The following LETM2 variants were observed in gnomAD, a reference collection of about 807,000 sequenced individuals.
LETM2 encodes LETM1 domain-containing protein LETM2, mitochondrial.
A neutral mutation model predicts 59.6 loss-of-function variants in LETM2; 58 were observed. That is an observed-to-expected ratio of 0.97 (90% CI 0.79 to 1.21). The LOEUF (loss-of-function observed/expected upper bound fraction) is 1.21, where lower values mean the gene tolerates loss of function less well. Ranked by LOEUF, LETM2 falls within the 50% of genes most tolerant of loss-of-function variation. The pLI, the probability that LETM2 is intolerant of heterozygous loss-of-function variation, is 0.00. For synonymous variants in LETM2, 199 were observed against 214.1 expected, an observed-to-expected ratio of 0.93 and a Z score of 0.62; for missense variants, 572 against 575.7, an observed-to-expected ratio of 0.99 and a Z score of 0.07.
At chr8:38,400,168 T>G (rs1467275487) in intron 4 of LETM2, 104 bp from the exon 5 acceptor site, 2 of 851,786 alleles carry the variant, frequency 2.3e-6, no homozygotes, top group Non-Finnish European at 3.6e-6. Flanking sequence ...TATTACATGA[T>G]GTAGGGATGA....
In LETM2 at chr8:38,400,409, G is replaced by A. The variant is rs774170105; in HGVS notation, c.783G>A (p.Gln261=). The change falls in exon 5 of 11, where the codon CAG becomes CAA. Residue 261 remains glutamine, a splice_region_variant and synonymous_variant. Coordinates refer to ENST00000379957, the MANE Select transcript of LETM2 (RefSeq NM_001286819.2). Reference sequence around the variant, plus strand: ...CACAGCTCTCATCCTACGTGAAGCAGGTGTCCATCTTTTATGTAATGCCGA... The same window carrying A: ...CACAGCTCTCATCCTACGTGAAGCAAGTGTCCATCTTTTATGTAATGCCGA... The part of the protein sequence containing the change: ...ASTQLSSYVK[Q]VQTGHKPSTK... The A allele has an allele frequency of 6.4e-7, 1 of 1,567,354 alleles. No individual in the cohort carries two copies. Among genetic ancestry groups the A allele is most frequent in the Non-Finnish European group, 8.6e-7 (1 of 1,159,888 alleles).
At chr8:38,401,136 TTTTTTGTTTTTG>T in intron 6 of LETM2, 83 bp downstream of exon 6, 1 of 1,184,456 alleles carries the variant, frequency 8.4e-7, no homozygotes, top group South Asian at 1.3e-5. Context: ...GTGTGCAGTA[TTTTTTGTTTTTG>T]TTTTTGTTTT....
chr8:38,407,800 G>A (rs1429497336), intron 10 of LETM2, among the ~76,000 whole-genome samples: 1 of 152,220 alleles, frequency 6.6e-6, no homozygotes, highest in African/African-American at 2.4e-5. Context: ...TAGCTGGAAA[G>A]CAACTTTAAT....
intron 8 of LETM2, chr8:38,406,653 G>C (rs1813745564): frequency 3.4e-6 from 1 of 289,960 alleles, no homozygotes; most frequent in Non-Finnish European, 6.4e-6. Context: ...GGCTTTTGAG[G>C]CCAACAGCAG....
At chr8:38,400,460 G>GA (rs1554537097) in intron 5 of LETM2, 51 bp downstream of exon 5, 1 of 1,506,880 alleles carries the variant, frequency 6.6e-7, no homozygotes, top group South Asian at 1.4e-5. Context: ...GGCGTTCTAT[G>GA]AAAAACGCAT....
At chr8:38,387,869 G>T in intron 1 of LETM2, 81 bp from the exon 2 acceptor site, 1 of 656,436 alleles carries the variant, frequency 1.5e-6, no homozygotes, top group Middle Eastern at 2.4e-4. Context: ...CTTTGCAATA[G>T]TTAAAAACAC....
chr8:38,402,470 GT>G, intron 6 of LETM2, 54 bp from the exon 7 acceptor site: 1 of 1,596,928 alleles, frequency 6.3e-7, no homozygotes, highest in Non-Finnish European at 8.6e-7. Flanking sequence ...GGAATTTAGG[GT>G]TTACGTAAAA....
At chr8:38,408,042 C>CA (rs1813873284) in intron 10 of LETM2, 170 bp from the exon 11 acceptor site, 1 of 578,660 alleles carries the variant, frequency 1.7e-6, no homozygotes, top group African/African-American at 1.9e-5. Context: ...AAGGCACACA[C>CA]ATACCTTGTT....
intron 4 of LETM2, chr8:38,394,459 C>T (rs2150422379): frequency 2.6e-6 from 1 of 382,706 alleles, no homozygotes; most frequent in Non-Finnish European, 4.6e-6. Flanking sequence ...GTCCACTCTT[C>T]ATGTTGAAGC....
chr8:38,407,269 G>A, intron 9 of LETM2, 93 bp from the exon 10 acceptor site: 1 of 1,031,378 alleles, frequency 9.7e-7, no homozygotes, highest in Non-Finnish European at 1.5e-6. Context: ...TGAGGTAGTT[G>A]TGACAAGTTC....
intron 3 of LETM2, chr8:38,393,416 G>A (rs898831831): frequency 4.1e-5 from 7 of 169,488 alleles, no homozygotes; most frequent in East Asian, 3.3e-4. Flanking sequence ...AGGCTGAGGC[G>A]GGCGGATCAC....
At chr8:38,394,989 G>A (rs965150785) in intron 4 of LETM2, among the ~76,000 whole-genome samples, 2 of 152,046 alleles carry the variant, frequency 1.3e-5, no homozygotes, top group African/African-American at 4.8e-5. Context: ...GGATCATACA[G>A]TGTGTAGCCA....
chr8:38,404,331 C>T (rs1813515555), intron 7 of LETM2, 62 bp from the exon 8 acceptor site: 1 of 1,171,600 alleles, frequency 8.5e-7, no homozygotes. Flanking sequence ...GGGTAGATGA[C>T]CGCGGATCAC....
chr8:38,406,761 A>G, intron 8 of LETM2, 185 bp from the exon 9 acceptor site: 2 of 488,080 alleles, frequency 4.1e-6, no homozygotes, highest in Non-Finnish European at 7.3e-6. Context: ...TCAAAGAGAA[A>G]TAATACTAAG....
chr8:38,406,605 AAAAAAAAG>A lies in LETM2; in HGVS notation c.1219-327_1219-320del, dbSNP rs535741103. 22 of 176,428 alleles carry A rather than the reference AAAAAAAAG, an allele frequency of 1.2e-4. No individual in the cohort carries two copies. In the South Asian group the frequency reaches 2.2e-3, roughly 18 times the overall value. The allele number at this position is 176,428 out of a possible 1,614,324, so 10.9% of individuals were successfully genotyped here. On this transcript the variant is annotated intron_variant, in intron 8 of 10. Coordinates refer to ENST00000379957, the MANE Select transcript of LETM2 (RefSeq NM_001286819.2). Reference sequence around the variant, plus strand: ...GGTGACAGAGTGAGACTCCATCTCCAAAAAAAAGAAAAAAAGAAAAACAAATAATTGAG... The same window carrying A: ...GGTGACAGAGTGAGACTCCATCTCCAAAAAAAAGAAAAACAAATAATTGAG...
At chr8:38,400,442 C>G in intron 5 of LETM2, 33 bp downstream of exon 5, 1 of 1,526,544 alleles carries the variant, frequency 6.6e-7, no homozygotes. Flanking sequence ...CGAACAACTT[C>G]GGGGCTGGGC....
At chr8:38,408,144 T>C (rs1813883014) in intron 10 of LETM2, 68 bp from the exon 11 acceptor site, 1 of 1,167,780 alleles carries the variant, frequency 8.6e-7, no homozygotes, top group Non-Finnish European at 1.2e-6. Flanking sequence ...AAAACAAAAA[T>C]AGCATTCACT....
At position 38,400,906 on chromosome 8, in the gene LETM2, A is replaced by G. The variant is rs755036109; in HGVS notation, c.837A>G (p.Leu279=). 6.2e-7 allele frequency: 1 copy of G among 1,614,164 alleles called. No homozygotes were observed. Among genetic ancestry groups the G allele is most frequent in the South Asian group, 1.1e-5 (1 of 91,090 alleles). The change falls in exon 6 of 11, where the codon CTA becomes CTG. Residue 279 remains leucine (L), a synonymous_variant. Coordinates refer to ENST00000379957, the MANE Select transcript of LETM2 (RefSeq NM_001286819.2). ...AGGAGATAGTTCGCTTCTCCAAACTATTTGAGGACCAGCTGGCCCTGGAAC... is the reference window on the plus strand; with the variant it reads ...AGGAGATAGTTCGCTTCTCCAAACTGTTTGAGGACCAGCTGGCCCTGGAAC... The part of the protein sequence containing the change: ...STKEIVRFSK[L]FEDQLALEHL...
chr8:38,385,378 G>C (rs1811731726), upstream of LETM2, among the ~76,000 whole-genome samples: 1 of 152,136 alleles, frequency 6.6e-6, no homozygotes, highest in African/African-American at 2.4e-5. Flanking sequence ...TGGTGGTCGA[G>C]TAGAGCCACT....
Sources: gnomAD v4.1 joint callset for allele counts (sites outside exome capture counted in the v4.1 genomes callset) on GRCh38, gnomAD v4.1.1 for gene constraint, MANE v1.5 for transcripts, NCBI Gene and HGNC (gene_info 2026-07-23, HGNC 2026-07-21) for gene names.